Variants in PLCB4 observed in about 807,000 individuals in gnomAD.
PLCB4 encodes phospholipase C beta 4.
Under a neutral mutation model 178.8 loss-of-function variants are expected in PLCB4, and 77 were observed. The observed-to-expected ratio is 0.43, with a 90% CI of 0.36 to 0.52. The LOEUF (loss-of-function observed/expected upper bound fraction) is 0.52. Among genes scored for constraint, PLCB4 ranks in the 20% least tolerant of loss-of-function variants. The pLI is 0.00. For missense variants in PLCB4, 1,024 were observed against 1,453.4 expected (o/e 0.70, Z 4.80); for synonymous variants, 496 against 490.8 (o/e 1.01, Z -0.14).
chr20:9,265,215 G>A (rs1166766188), intron 3 of PLCB4, among the ~76,000 whole-genome samples: 1 of 152,144 alleles, frequency 6.6e-6, no homozygotes, highest in Non-Finnish European at 1.5e-5. Flanking sequence ...GGGCGTGGTG[G>A]CTCATGTCTG....
At position 9,122,353 on chromosome 20, in the gene PLCB4, T is replaced by C. The variant is rs1202452830; in HGVS notation, c.-79+26011T>C. On this transcript the variant is annotated intron_variant, in intron 2 of 39. Transcript: ENST00000378473. ...TTGGACATACAATCCTGTTTTTTTT[T>C]CTGTTAACATTATATTGTGATTACG... is the stretch of plus-strand genomic sequence containing the variant. Among the ~76,000 whole-genome samples, 7 of 152,178 alleles carry C rather than the reference T, an allele frequency of 4.6e-5. No homozygotes were observed. The South Asian group carries it at 1.4e-3, about 31-fold the overall frequency.
chr20:9,226,520 C>A (rs1330426212), intron 3 of PLCB4, among the ~76,000 whole-genome samples: 4 of 152,066 alleles, frequency 2.6e-5, no homozygotes. Context: ...CTGGGTTGTC[C>A]CATCTGTAAA....
chr20:9,312,394 A>G (rs909772), intron 4 of PLCB4, among the ~76,000 whole-genome samples: 16,452 of 143,476 alleles, frequency 0.11, 991 homozygotes, highest in South Asian at 0.18. Flanking sequence ...ACACACACAC[A>G]CACGCACGCA....
chr20:9,208,156 A>G (rs1296048319), intron 2 of PLCB4, among the ~76,000 whole-genome samples: 1 of 152,218 alleles, frequency 6.6e-6, no homozygotes. Context: ...ATGCACAGAC[A>G]GTTGCCTTAA....
Position 9,154,226 on chromosome 20 carries a change from T to TGTA in PLCB4, c.-79+57884_-79+57885insGTA, listed in dbSNP as rs1410316223. On this transcript the variant is annotated intron_variant, in intron 2 of 39. Coordinates refer to ENST00000378473, the MANE Select transcript of PLCB4 (RefSeq NM_001377142.1). Reference sequence around the variant, plus strand: ...CATTTTTGTCATCTTACTCTTAAGTTCCATATAACACTTTAAAAAAATTTT... The same window carrying TGTA: ...CATTTTTGTCATCTTACTCTTAAGTTGTACCATATAACACTTTAAAAAAATTTT... Among the ~76,000 whole-genome samples the TGTA allele has an allele frequency of 6.9e-4, 105 of 152,268 alleles. 1 individual carries two copies. Among genetic ancestry groups the TGTA allele is most frequent in the African/African-American group, 2.2e-3 (93 of 41,552 alleles).
chr20:9,106,382 T>C (rs746656488), intron 2 of PLCB4, among the ~76,000 whole-genome samples: 87 of 151,980 alleles, frequency 5.7e-4, no homozygotes, highest in Non-Finnish European at 1.1e-3. Context: ...TTGATGATGC[T>C]GTGGGCAAAC....
intron 3 of PLCB4, among the ~76,000 whole-genome samples, chr20:9,271,335 A>G (rs895094131): frequency 6.6e-6 from 1 of 152,156 alleles, no homozygotes; most frequent in African/African-American, 2.4e-5. Context: ...TATTACATTC[A>G]TTATCTCACA....
chr20:9,362,827 C>G (rs2035462182), intron 7 of PLCB4, 69 bp from the exon 8 acceptor site: 3 of 883,104 alleles, frequency 3.4e-6, no homozygotes, highest in African/African-American at 1.6e-5. Context: ...TACAATCTAT[C>G]TAATAAAAAC....
At chr20:9,087,595 G>A (rs773974763) in intron 1 of PLCB4, among the ~76,000 whole-genome samples, 67 of 152,166 alleles carry the variant, frequency 4.4e-4, no homozygotes, top group Non-Finnish European at 8.1e-4. Flanking sequence ...CCCAGGCTTA[G>A]TGATCAGCAG....
intron 12 of PLCB4, among the ~76,000 whole-genome samples, chr20:9,375,355 G>GTCAA (rs2036581223): frequency 6.6e-6 from 1 of 152,112 alleles, no homozygotes. Context: ...GAATGTAAGG[G>GTCAA]TCAATTACTC....
intron 2 of PLCB4, among the ~76,000 whole-genome samples, chr20:9,184,002 C>A (rs2093290008): frequency 6.6e-6 from 1 of 152,100 alleles, no homozygotes; most frequent in African/African-American, 2.4e-5. Context: ...ACTTTCCCTG[C>A]ACTATCAGTT....
chr20:9,089,992 A>C (rs1015160460), intron 1 of PLCB4, among the ~76,000 whole-genome samples: 1 of 152,180 alleles, frequency 6.6e-6, no homozygotes, highest in Admixed American at 6.6e-5. Flanking sequence ...GTCCTAATTT[A>C]CTAGAAAGCT....
At chr20:9,383,906 C>T (rs1238022238) in intron 13 of PLCB4, among the ~76,000 whole-genome samples, 1 of 152,184 alleles carries the variant, frequency 6.6e-6, no homozygotes, top group African/African-American at 2.4e-5. Flanking sequence ...TACAGGCCCC[C>T]TGGACCCCTG....
intron 4 of PLCB4, among the ~76,000 whole-genome samples, chr20:9,317,414 C>T (rs2094911045): frequency 6.6e-6 from 1 of 152,114 alleles, no homozygotes; most frequent in African/African-American, 2.4e-5. Context: ...TTGCTCTTCT[C>T]ATTTTCATGT....
Position 9,165,708 on chromosome 20 carries a change from C to T in PLCB4, c.-78-51682C>T, listed in dbSNP as rs151332855. On this transcript the variant is annotated intron_variant, in intron 2 of 39. Coordinates refer to ENST00000378473, the MANE Select transcript of PLCB4 (RefSeq NM_001377142.1). ...CATCCTGGAACCTTGTTTTGCAGAACATTTTACATTCTCTGAGCATTTTGG... is the reference window on the plus strand; with the variant it reads ...CATCCTGGAACCTTGTTTTGCAGAATATTTTACATTCTCTGAGCATTTTGG... 4.9e-3 allele frequency among the ~76,000 whole-genome samples: 749 copies of T among 151,888 alleles called. 11 individuals are homozygous for T. Among genetic ancestry groups the T allele is most frequent in the Admixed American group, 0.038 (585 of 15,250 alleles).
intron 2 of PLCB4, among the ~76,000 whole-genome samples, chr20:9,157,790 A>G (rs939763906): frequency 2.0e-5 from 3 of 152,136 alleles, no homozygotes; most frequent in Non-Finnish European, 4.4e-5. Context: ...TAGCTCATTT[A>G]TGCTGGGTGT....
chr20:9,228,245 A>G (rs749156159), intron 3 of PLCB4, among the ~76,000 whole-genome samples: 4 of 152,324 alleles, frequency 2.6e-5, no homozygotes, highest in East Asian at 3.9e-4. Flanking sequence ...TTTGAAAACA[A>G]CTTTCTCTTA....
chr20:9,406,637 G>A (rs1351637913), intron 21 of PLCB4, among the ~76,000 whole-genome samples: 1 of 151,920 alleles, frequency 6.6e-6, no homozygotes, highest in Non-Finnish European at 1.5e-5. Context: ...TGGGACTACA[G>A]GTGCCTGCCA....
chr20:9,473,877 T>C (rs1451377650), intron 38 of PLCB4, among the ~76,000 whole-genome samples: 5 of 152,122 alleles, frequency 3.3e-5, no homozygotes, highest in Non-Finnish European at 5.9e-5. Context: ...AGTCTTGGTC[T>C]TTTTCCCTGC....
Sources: allele counts gnomAD v4.1 joint callset (sites outside exome capture counted in the v4.1 genomes callset), GRCh38; gene constraint gnomAD v4.1.1; transcripts MANE v1.5; gene names NCBI Gene and HGNC (gene_info 2026-07-23, HGNC 2026-07-21).